IPO7: variants seen among roughly 807,000 people sequenced by gnomAD.
IPO7 encodes importin-7.
IPO7 carries 13 observed loss-of-function variants against 136.4 expected under a neutral mutation model. That is an observed-to-expected ratio of 0.10 (90% CI 0.06 to 0.15). The LOEUF (loss-of-function observed/expected upper bound fraction) is 0.15. Among genes scored for constraint, IPO7 ranks in the 10% least tolerant of loss-of-function variants. The probability of loss-of-function intolerance (pLI) is 1.00; values close to 1 mark genes in which losing one functional copy is unlikely to be tolerated. For missense variants in IPO7, 857 were observed against 1,240.6 expected (o/e 0.69, Z 4.65); for synonymous variants, 403 against 404.4 (o/e 1.00, Z 0.04).
intron 1 of IPO7, chr11:9,392,194 T>TTTTTA: frequency 3.4e-5 from 11 of 322,558 alleles, no homozygotes; most frequent in South Asian, 4.8e-5. Flanking sequence ...TTTTTTTTTT[T>TTTTTA]GAGACGGAGT....
intron 23 of IPO7, 34 bp from the exon 24 acceptor site, chr11:9,442,047 A>C (rs372742814): frequency 2.0e-6 from 2 of 999,328 alleles, no homozygotes; most frequent in African/African-American, 3.2e-5. Flanking sequence ...TCTCTTATTC[A>C]TGTTGTTTTT....
At chr11:9,403,480 G>T in intron 2 of IPO7, 109 bp downstream of exon 2, 1 of 755,804 alleles carries the variant, frequency 1.3e-6, no homozygotes, top group South Asian at 1.7e-5. Flanking sequence ...TTCCCCCCAG[G>T]TAATTTGTTT....
chr11:9,433,706 A>C lies in IPO7; in HGVS notation c.1949-15A>C. 1 of 1,613,154 alleles carries C rather than the reference A, an allele frequency of 6.2e-7. No individual in the cohort carries two copies. The highest frequency in any genetic ancestry group is 8.5e-7 in the Non-Finnish European group (1 of 1,179,926). On this transcript the variant is annotated splice_polypyrimidine_tract_variant and intron_variant, in intron 17 of 24. Transcript: ENST00000379719. ...TGAGCAAGCATTTTCCTAATGACTTAGTATTCTCTTTTAGAATTCTATGAG... is the reference window on the plus strand; with the variant it reads ...TGAGCAAGCATTTTCCTAATGACTTCGTATTCTCTTTTAGAATTCTATGAG...
chr11:9,424,708 C>G (rs562719097), intron 10 of IPO7, among the ~76,000 whole-genome samples: 4 of 152,200 alleles, frequency 2.6e-5, no homozygotes, highest in African/African-American at 7.2e-5. Flanking sequence ...GCCCACTGCA[C>G]TCCAGCCTGA....
chr11:9,392,171 CTTTT>C (rs59866244), intron 1 of IPO7: 324 of 184,082 alleles, frequency 1.8e-3, no homozygotes, highest in East Asian at 2.7e-3. Flanking sequence ...TTGTCAAATT[CTTTT>C]TTTTTTTTTT....
intron 12 of IPO7, among the ~76,000 whole-genome samples, chr11:9,425,569 CGTCTCTACT>C (rs1565000318): frequency 6.6e-6 from 1 of 152,046 alleles, no homozygotes; most frequent in Non-Finnish European, 1.5e-5. Flanking sequence ...GGTGAAACCC[CGTCTCTACT>C]AAAAATACAA....
intron 1 of IPO7, among the ~76,000 whole-genome samples, chr11:9,401,484 C>T (rs191689861): frequency 1.6e-3 from 248 of 150,968 alleles, no homozygotes; most frequent in Middle Eastern, 0.01. Flanking sequence ...GAGCCTAGCT[C>T]AGCAGTTTAG....
intron 1 of IPO7, chr11:9,402,797 G>A (rs1854820200): frequency 2.6e-5 from 4 of 156,024 alleles, no homozygotes; most frequent in East Asian, 1.9e-4. Flanking sequence ...AGGTTGCAGT[G>A]AGCCGAGATC....
In IPO7 at chr11:9,384,665, T is replaced by G. The variant is rs539597182; in HGVS notation, c.-99T>G. On this transcript the variant is annotated 5_prime_UTR_variant, in exon 1 of 25. Transcript: ENST00000379719. ...GCGCTTCTCTTTCCTTTCGCGCCGGTTGCCGCTGCGGAGCGCGGCGGGTCC... is the reference window on the plus strand; with the variant it reads ...GCGCTTCTCTTTCCTTTCGCGCCGGGTGCCGCTGCGGAGCGCGGCGGGTCC... 4.0e-6 allele frequency: 4 copies of G among 1,006,442 alleles called. No homozygotes were observed. In the East Asian group the frequency reaches 8.6e-5, roughly 22 times the overall value. The allele number at this position is 1,006,442 out of a possible 1,614,324, so 62.3% of individuals were successfully genotyped here. A position where few individuals can be genotyped will look rare whatever the true frequency, so the allele number is the denominator to read the frequency against.
At chr11:9,413,097 C>T (rs905431460) in intron 4 of IPO7, among the ~76,000 whole-genome samples, 4 of 152,066 alleles carry the variant, frequency 2.6e-5, no homozygotes, top group African/African-American at 9.7e-5. Flanking sequence ...CCAGGATGGT[C>T]TTGATCTCCT....
intron 22 of IPO7, among the ~76,000 whole-genome samples, chr11:9,439,156 C>T (rs1331201102): frequency 6.6e-6 from 1 of 152,130 alleles, no homozygotes; most frequent in Non-Finnish European, 1.5e-5. Context: ...GCTCCTGTTG[C>T]CCAGGCTGGA....
intron 5 of IPO7, among the ~76,000 whole-genome samples, chr11:9,415,261 G>T (rs969237949): frequency 6.6e-6 from 1 of 151,828 alleles, no homozygotes; most frequent in Admixed American, 6.6e-5. Context: ...GGCGGAGGTT[G>T]TGGTGAGCCA....
chr11:9,397,330 ATT>A (rs764314175), intron 1 of IPO7, among the ~76,000 whole-genome samples: 5 of 34,036 alleles, frequency 1.5e-4, no homozygotes, highest in African/African-American at 1.6e-4. Context: ...ACTAAAAATA[ATT>A]TAAAAAAAAA....
chr11:9,393,965 T>G (rs1854674066), intron 1 of IPO7, among the ~76,000 whole-genome samples: 1 of 152,096 alleles, frequency 6.6e-6, no homozygotes, highest in Admixed American at 6.5e-5. Context: ...TCACTGCAAC[T>G]TCTGCCTCCC....
intron 24 of IPO7, 122 bp downstream of exon 24, chr11:9,442,319 G>A (rs1855470153): frequency 3.9e-6 from 2 of 508,190 alleles, no homozygotes; most frequent in Admixed American, 7.5e-5. Flanking sequence ...TATAGTTGTT[G>A]CAGGTGATAG....
intron 3 of IPO7, 64 bp downstream of exon 3, chr11:9,408,703 G>GTTT: frequency 2.2e-5 from 9 of 411,292 alleles, no homozygotes; most frequent in South Asian, 1.5e-4. Context: ...TTTGTTTTTT[G>GTTT]GTTTTTTTTT....
intron 20 of IPO7, among the ~76,000 whole-genome samples, chr11:9,436,862 ATATATATTTTTTTTTTTTTTTTT>A (rs1855381162): frequency 5.7e-5 from 1 of 17,508 alleles, no homozygotes; most frequent in Non-Finnish European, 1.1e-4. Flanking sequence ...ATATATATAT[ATATATATTTTTTTTTTTTTTTTT>A]TTTTTTTTTT....
intron 1 of IPO7, among the ~76,000 whole-genome samples, chr11:9,389,483 T>C (rs1854598354): frequency 6.6e-6 from 1 of 152,238 alleles, no homozygotes; most frequent in Non-Finnish European, 1.5e-5. Context: ...GAGAAATTTA[T>C]GATCACTGCC....
At chr11:9,411,159 C>G (rs777400973) in intron 4 of IPO7, among the ~76,000 whole-genome samples, 4 of 152,132 alleles carry the variant, frequency 2.6e-5, no homozygotes, top group Non-Finnish European at 5.9e-5. Context: ...TCAAGGCCCT[C>G]CTGTCCCATA....
Sources: allele counts gnomAD v4.1 joint callset (sites outside exome capture counted in the v4.1 genomes callset), GRCh38; gene constraint gnomAD v4.1.1; transcripts MANE v1.5; gene names NCBI Gene and HGNC (gene_info 2026-07-23, HGNC 2026-07-21).